LHFPL3: variants seen among roughly 807,000 people sequenced by gnomAD.
The protein encoded by LHFPL3 is LHFPL tetraspan subfamily member 3.
In LHFPL3, 5 loss-of-function variants were observed where a neutral mutation model predicts 19.3. That is an observed-to-expected ratio of 0.26 (90% CI 0.14 to 0.54). The LOEUF (loss-of-function observed/expected upper bound fraction) is 0.54, where lower values mean the gene tolerates loss of function less well. Ranked by LOEUF, LHFPL3 falls within the 20% of genes least tolerant of loss-of-function variation. The pLI is 0.94. For missense variants in LHFPL3, 249 were observed against 307.4 expected (o/e 0.81, Z 1.42); for synonymous variants, 133 against 126.2 (o/e 1.05, Z -0.36).
intron 2 of LHFPL3, among the ~76,000 whole-genome samples, chr7:104,832,217 C>G (rs1408103156): frequency 6.6e-6 from 1 of 151,926 alleles, no homozygotes; most frequent in Non-Finnish European, 1.5e-5. Context: ...GTCATTGTCC[C>G]TTTATGGTGG....
intron 2 of LHFPL3, among the ~76,000 whole-genome samples, chr7:104,746,312 A>C (rs77883456): frequency 2.7e-5 from 4 of 149,276 alleles, no homozygotes; most frequent in East Asian, 3.9e-4. Flanking sequence ...ACTCCATCTC[A>C]AAAAAAAAAG....
intron 2 of LHFPL3, among the ~76,000 whole-genome samples, chr7:104,884,777 T>C (rs1292982514): frequency 6.6e-6 from 1 of 152,176 alleles, no homozygotes; most frequent in Non-Finnish European, 1.5e-5. Flanking sequence ...TGACCTTACC[T>C]CTGACCCAAG....
chr7:104,717,240 T>A (rs1793404067), intron 1 of LHFPL3, among the ~76,000 whole-genome samples: 1 of 152,062 alleles, frequency 6.6e-6, no homozygotes, highest in African/African-American at 2.4e-5. Context: ...ATAACATTAG[T>A]CTTGGCAATG....
At chr7:104,539,825 C>T (rs914279907) in intron 1 of LHFPL3, among the ~76,000 whole-genome samples, 1 of 152,154 alleles carries the variant, frequency 6.6e-6, no homozygotes, top group Non-Finnish European at 1.5e-5. Context: ...AAAGTGATGG[C>T]ATGATAGTTT....
At chr7:104,349,602 TAGG>T (rs904314634) in intron 1 of LHFPL3, among the ~76,000 whole-genome samples, 96 of 152,340 alleles carry the variant, frequency 6.3e-4, no homozygotes, top group Middle Eastern at 6.8e-3. Flanking sequence ...TTTATAGCAT[TAGG>T]AGAAATACCT....
intron 1 of LHFPL3, among the ~76,000 whole-genome samples, chr7:104,532,318 C>CTTTTTTTTTTTTTTTTTTTTTTTTT (rs71155504): frequency 9.2e-5 from 8 of 87,230 alleles, no homozygotes; most frequent in Admixed American, 1.6e-4. Flanking sequence ...TTCTTTCTGT[C>CTTTTTTTTTTTTTTTTTTTTTTTTT]TTTTTTTTTT....
chr7:104,648,084 A>G (rs1791963495), intron 1 of LHFPL3, among the ~76,000 whole-genome samples: 1 of 152,218 alleles, frequency 6.6e-6, no homozygotes, highest in South Asian at 2.1e-4. Context: ...TATTTAGTGT[A>G]TGTTCTCAGC....
At chr7:104,435,193 A>G (rs1426904351) in intron 1 of LHFPL3, among the ~76,000 whole-genome samples, 1 of 152,108 alleles carries the variant, frequency 6.6e-6, no homozygotes, top group Non-Finnish European at 1.5e-5. Flanking sequence ...CCCAGGCTGC[A>G]GTGCAGTGGT....
At chr7:104,415,509 T>C (rs1562890301) in intron 1 of LHFPL3, among the ~76,000 whole-genome samples, 1 of 152,150 alleles carries the variant, frequency 6.6e-6, no homozygotes, top group African/African-American at 2.4e-5. Context: ...TTAATAATAT[T>C]ATATAAAAAT....
intron 2 of LHFPL3, among the ~76,000 whole-genome samples, chr7:104,856,615 G>A (rs1474073187): frequency 6.6e-6 from 1 of 152,116 alleles, no homozygotes; most frequent in East Asian, 1.9e-4. Context: ...CCAACCTCTA[G>A]ACACTTTCAC....
chr7:104,873,547 G>A (rs908599674), intron 2 of LHFPL3, among the ~76,000 whole-genome samples: 6 of 152,146 alleles, frequency 3.9e-5, no homozygotes, highest in African/African-American at 1.2e-4. Flanking sequence ...AAGATGGCCC[G>A]AGCCCAGGAA....
chr7:104,815,438 A>G (rs944332910), intron 2 of LHFPL3, among the ~76,000 whole-genome samples: 1 of 152,214 alleles, frequency 6.6e-6, no homozygotes, highest in African/African-American at 2.4e-5. Flanking sequence ...TGCTCACTTT[A>G]TAATTCTGTG....
chr7:104,370,199 G>A (rs1790584608), intron 1 of LHFPL3, among the ~76,000 whole-genome samples: 1 of 152,158 alleles, frequency 6.6e-6, no homozygotes, highest in Admixed American at 6.5e-5. Context: ...CCCCTGAGGA[G>A]AGGCTGCTGC....
At chr7:104,478,443 C>T (rs933793997) in intron 1 of LHFPL3, among the ~76,000 whole-genome samples, 6 of 152,048 alleles carry the variant, frequency 3.9e-5, no homozygotes, top group Non-Finnish European at 8.8e-5. Context: ...TTCTCTCCAC[C>T]GCTCCATTCA....
In LHFPL3 at chr7:104,592,255, T is replaced by G. The variant is rs541952399; in HGVS notation, c.446-144420T>G. Among the ~76,000 whole-genome samples, 9 of 152,308 alleles carry G rather than the reference T, an allele frequency of 5.9e-5. No individual in the cohort carries two copies. The South Asian group carries it at 1.5e-3, about 25-fold the overall frequency. On this transcript the variant is annotated intron_variant, in intron 1 of 2. Transcript: ENST00000424859. ...CTGGTTTCTCCCCATGTTTGTGGTT[T>G]TATCTACCTTTGGTCTTTGATGATG... is the stretch of plus-strand genomic sequence containing the variant.
At chr7:104,711,392 C>G (rs1194490617) in intron 1 of LHFPL3, among the ~76,000 whole-genome samples, 4 of 152,148 alleles carry the variant, frequency 2.6e-5, no homozygotes, top group Non-Finnish European at 4.4e-5. Context: ...TGGGATTAGT[C>G]AAGTAATTAG....
At chr7:104,691,306 C>T (rs746108497) in intron 1 of LHFPL3, among the ~76,000 whole-genome samples, 2 of 152,238 alleles carry the variant, frequency 1.3e-5, no homozygotes, top group African/African-American at 2.4e-5. Flanking sequence ...ATTGTCCCTA[C>T]TTCTGTTACA....
chr7:104,364,871 G>C (rs1334504296), intron 1 of LHFPL3, among the ~76,000 whole-genome samples: 3 of 152,234 alleles, frequency 2.0e-5, no homozygotes, highest in Non-Finnish European at 4.4e-5. Context: ...AGCTCAGAGA[G>C]ATAGCAGGAT....
intron 1 of LHFPL3, among the ~76,000 whole-genome samples, chr7:104,372,548 G>A (rs527554786): frequency 2.0e-5 from 3 of 152,154 alleles, no homozygotes; most frequent in Non-Finnish European, 4.4e-5. Flanking sequence ...TGGAGGAGAA[G>A]CTCTGATCCT....
Sources: allele counts gnomAD v4.1 joint callset (sites outside exome capture counted in the v4.1 genomes callset), GRCh38; gene constraint gnomAD v4.1.1; transcripts MANE v1.5; gene names NCBI Gene and HGNC (gene_info 2026-07-23, HGNC 2026-07-21).